The following FREM2 variants were observed in gnomAD, a reference collection of about 807,000 sequenced individuals.
The protein encoded by FREM2 is FRAS1-related extracellular matrix protein 2.
Under a neutral mutation model 219.9 loss-of-function variants are expected in FREM2, and 119 were observed. The observed-to-expected ratio is 0.54, with a 90% confidence interval of 0.47 to 0.63. The LOEUF (loss-of-function observed/expected upper bound fraction) is 0.63, where lower values mean the gene tolerates loss of function less well. Ranked by LOEUF, FREM2 falls within the 30% of genes least tolerant of loss-of-function variation. FREM2 has a pLI of 0.00. For missense variants in FREM2, 4,030 were observed against 3,993.6 expected, an observed-to-expected ratio of 1.01 and a Z score of -0.25; for synonymous variants, 1,562 against 1,522.8, an observed-to-expected ratio of 1.03 and a Z score of -0.60.
rs145461540 is a variant in FREM2, at chr13:38,880,287, G to A, written c.9010G>A (p.Ala3004Thr). 1.5e-4 allele frequency: 247 copies of A among 1,613,532 alleles called. No individual in the cohort carries two copies. In the African/African-American group the frequency reaches 2.6e-3, roughly 17 times the overall value. Residue 3004 changes from alanine (A) to threonine (T), a missense_variant, in exon 24 of 24, where the codon GCT (alanine) becomes ACT (threonine). Coordinates refer to ENST00000280481, the MANE Select transcript of FREM2 (RefSeq NM_207361.6). ...TAAATAGAGTTGTGCTTTCTAGGTC[G>A]CTCTAGGCCGAGAATGGTATATACA... Reference protein sequence around the residue: ...KVDSTPLFQVALGREWYIHTI... With the variant: ...KVDSTPLFQVTLGREWYIHTI...
At chr13:38,765,569 A>G (rs1191819781) in intron 3 of FREM2, among the ~76,000 whole-genome samples, 1 of 151,988 alleles carries the variant, frequency 6.6e-6, no homozygotes, top group Non-Finnish European at 1.5e-5. Flanking sequence ...ACAGAAATAC[A>G]CACCCCTGCC....
At position 38,784,717 on chromosome 13, in the gene FREM2, C is replaced by T. The variant is rs1874256728; in HGVS notation, c.5928C>T (p.Thr1976=). Residue 1976 remains threonine (T), a synonymous_variant, in exon 6 of 24, where the codon ACC becomes ACT. Coordinates refer to ENST00000280481, the MANE Select transcript of FREM2 (RefSeq NM_207361.6). ...ACTCTTTGTACGAGGAGGAGGAAAC[C>T]TTCCATGTCCTTCTGAGCATGCCCA... ...IDDSLYEEEE[T]FHVLLSMPMG... is the part of the protein sequence containing the mutation. 2 of 1,614,006 alleles carry T rather than the reference C, an allele frequency of 1.2e-6. No individual in the cohort carries two copies. The highest frequency in any genetic ancestry group is 2.7e-5 in the African/African-American group (2 of 74,922).
In FREM2 at chr13:38,769,768, C is replaced by G. The variant is rs762867254; in HGVS notation, c.5601C>G (p.Phe1867Leu). The part of the protein sequence containing the change: ...LSEPVLAALE[F>L]PTVATVEIVD... ...AGCCCGTGCTGGCTGCCTTGGAATT[C>G]CCCACAGTCGCCACTGTTGAGATCG... Residue 1867 changes from phenylalanine to leucine, a missense_variant, in exon 4 of 24, where the codon TTC becomes TTG. Coordinates refer to ENST00000280481, the MANE Select transcript of FREM2 (RefSeq NM_207361.6). 10 of 1,613,872 alleles carry G rather than the reference C, an allele frequency of 6.2e-6. No individual in the cohort carries two copies. The South Asian group carries it at 9.9e-5, about 16-fold the overall frequency.
intron 6 of FREM2, among the ~76,000 whole-genome samples, chr13:38,843,797 C>A (rs779093891): frequency 6.6e-6 from 1 of 151,916 alleles, no homozygotes; most frequent in East Asian, 1.9e-4. Flanking sequence ...ATCATTACTT[C>A]TTTTTAGTTC....
chr13:38,751,092 G>A (rs562491363), intron 2 of FREM2, among the ~76,000 whole-genome samples: 20 of 151,984 alleles, frequency 1.3e-4, no homozygotes, highest in Non-Finnish European at 2.5e-4. Flanking sequence ...TGTAAATAAC[G>A]CTACAGTGAA....
At chr13:38,736,594 A>G (rs1872007466) in intron 2 of FREM2, among the ~76,000 whole-genome samples, 1 of 152,230 alleles carries the variant, frequency 6.6e-6, no homozygotes, top group Non-Finnish European at 1.5e-5. Context: ...TCAGGTATGC[A>G]GCAAGATCTT....
At chr13:38,854,770 A>C (rs1877494689) in intron 11 of FREM2, among the ~76,000 whole-genome samples, 1 of 152,184 alleles carries the variant, frequency 6.6e-6, no homozygotes, top group South Asian at 2.1e-4. Context: ...AAAATCTTTA[A>C]AGATAAAGAG....
At position 38,820,220 on chromosome 13, in the gene FREM2, G is replaced by C. The variant is rs9603437; in HGVS notation, c.6020-26353G>C. 5.2e-3 allele frequency among the ~76,000 whole-genome samples: 791 copies of C among 152,158 alleles called. 3 individuals are homozygous for C. Among genetic ancestry groups the C allele is most frequent in the African/African-American group, 0.018 (754 of 41,528 alleles). On this transcript the variant is annotated intron_variant, in intron 6 of 23. Coordinates refer to ENST00000280481, the MANE Select transcript of FREM2 (RefSeq NM_207361.6). ...TCTAGCAAATGACCCGGTGAAAATG[G>C]TTGCCTTTCTGAAAGATTGCATTTT... is the stretch of plus-strand genomic sequence containing the variant.
In FREM2 at chr13:38,769,717, T is replaced by G; in HGVS notation, c.5550T>G (p.Ser1850=). The G allele has an allele frequency of 1.2e-6, 2 of 1,614,166 alleles. No homozygotes were observed. The highest frequency in any genetic ancestry group is 1.7e-6 in the Non-Finnish European group (2 of 1,180,022). ...RILSDGEHEQ[S]ETFQVVLSEP... is the part of the protein sequence containing the mutation. ...TGAGTGATGGGGAGCATGAGCAGTC[T>G]GAAACCTTTCAGGTGGTACTCTCAG... Residue 1850 remains serine (S), a synonymous_variant, in exon 4 of 24, where the codon TCT becomes TCG. Coordinates refer to ENST00000280481, the MANE Select transcript of FREM2 (RefSeq NM_207361.6).
chr13:38,717,186 G>C (rs1212281231), intron 2 of FREM2, among the ~76,000 whole-genome samples: 5 of 151,966 alleles, frequency 3.3e-5, no homozygotes, highest in Non-Finnish European at 7.4e-5. Flanking sequence ...AATAGGTTAG[G>C]GGAACAAAAG....
At chr13:38,693,504 C>T (rs1869984390) in intron 1 of FREM2, among the ~76,000 whole-genome samples, 1 of 152,170 alleles carries the variant, frequency 6.6e-6, no homozygotes. Context: ...GGGAGAAGCC[C>T]ATTCACTATA....
At chr13:38,855,300 G>A (rs1427864955) in intron 11 of FREM2, among the ~76,000 whole-genome samples, 1 of 151,872 alleles carries the variant, frequency 6.6e-6, no homozygotes, top group African/African-American at 2.4e-5. Flanking sequence ...AATATAATTT[G>A]GTATTTTATA....
chr13:38,805,441 A>G (rs544120733), intron 6 of FREM2, among the ~76,000 whole-genome samples: 1 of 152,048 alleles, frequency 6.6e-6, no homozygotes, highest in East Asian at 2.0e-4. Flanking sequence ...GGAAAGAAAG[A>G]TGGAAGAAGA....
intron 6 of FREM2, among the ~76,000 whole-genome samples, chr13:38,836,876 T>A (rs533572712): frequency 6.6e-6 from 1 of 152,264 alleles, no homozygotes; most frequent in Non-Finnish European, 1.5e-5. Context: ...TCTATTTTGT[T>A]AATATTTTCC....
intron 6 of FREM2, among the ~76,000 whole-genome samples, chr13:38,797,071 T>G (rs1214353066): frequency 6.6e-6 from 1 of 151,922 alleles, no homozygotes; most frequent in Non-Finnish European, 1.5e-5. Flanking sequence ...AGAGATGGGG[T>G]CTCTCTATGT....
rs778121588 is a variant in FREM2, at chr13:38,878,814, T to G, written c.8860-17T>G. 6.2e-7 allele frequency: 1 copy of G among 1,613,946 alleles called. No homozygotes were observed. The highest frequency in any genetic ancestry group is 1.7e-5 in the Admixed American group (1 of 60,032). ...GGCATTATCTACAGCAATCACCACT[T>G]TCCTTACTGCTTAAAGGACAAAGCT... On this transcript the variant is annotated splice_polypyrimidine_tract_variant and intron_variant, in intron 22 of 23. Transcript: ENST00000280481.
At chr13:38,851,294 G>T (rs1477672122) in intron 10 of FREM2, among the ~76,000 whole-genome samples, 186 bp downstream of exon 10, 1 of 152,150 alleles carries the variant, frequency 6.6e-6, no homozygotes, top group Non-Finnish European at 1.5e-5. Flanking sequence ...AACTGATAAA[G>T]TTGATGCTGG....
chr13:38,835,931 T>C (rs1876688410), intron 6 of FREM2, among the ~76,000 whole-genome samples: 1 of 152,240 alleles, frequency 6.6e-6, no homozygotes. Context: ...TGAATACCTT[T>C]ATTTCTTTCC....
At chr13:38,784,884 T>A (rs529003082) in intron 6 of FREM2, 76 bp downstream of exon 6, 1 of 1,489,960 alleles carries the variant, frequency 6.7e-7, no homozygotes, top group East Asian at 2.3e-5. Context: ...ACAGAAAAAA[T>A]GGGAATCTAA....
Sources: allele counts gnomAD v4.1 joint callset (sites outside exome capture counted in the v4.1 genomes callset), GRCh38; gene constraint gnomAD v4.1.1; transcripts MANE v1.5; gene names NCBI Gene and HGNC (gene_info 2026-07-23, HGNC 2026-07-21).